The following PLAGL1 variants were observed in gnomAD, a reference collection of about 807,000 sequenced individuals.
PLAGL1 encodes the protein PLAG1 like zinc finger 1, also known as zinc finger protein PLAGL1.
Under a neutral mutation model 4.6 loss-of-function variants are expected in PLAGL1, and 1 was observed. The ratio of observed to expected loss-of-function variants is 0.22; its 90% CI spans 0.08 to 1.03. PLAGL1 has a LOEUF of 1.03. Ranked by LOEUF, PLAGL1 falls within the 50% of genes least tolerant of loss-of-function variation. PLAGL1 has a pLI of 0.58. For missense variants in PLAGL1, 464 were observed against 570.4 expected, an observed-to-expected ratio of 0.81 and a Z score of 1.90; for synonymous variants, 240 against 237.8, an observed-to-expected ratio of 1.01 and a Z score of -0.08.
At chr6:144,042,805 A>G (rs1196173274) in intron 1 of PLAGL1, among the ~76,000 whole-genome samples, 4 of 152,214 alleles carry the variant, frequency 2.6e-5, no homozygotes, top group African/African-American at 9.6e-5. Flanking sequence ...CCTACCCATG[A>G]GCATGGAATG....
Position 143,970,394 on chromosome 6 carries a change from G to T in PLAGL1, c.-543-1416C>A, listed in dbSNP as rs972050070. Among the ~76,000 whole-genome samples the T allele has an allele frequency of 1.3e-5, 2 of 152,164 alleles. No homozygotes were observed. Among genetic ancestry groups the T allele is most frequent in the African/African-American group, 2.4e-5 (1 of 41,440 alleles). ...TTAACAACCTCATTAACATACAAATGATTAACTACAAATGATTAGGTATCT... is the reference window on the plus strand; with the variant it reads ...TTAACAACCTCATTAACATACAAATTATTAACTACAAATGATTAGGTATCT... On this transcript the variant is annotated intron_variant, in intron 2 of 7. Transcript: ENST00000674357. This position sits in a 1 kb window ranked among gnomAD's most constrained non-coding sequence, Gnocchi z 5.8.
At chr6:144,007,374 G>A (rs1794467793) in intron 1 of PLAGL1, 1 of 152,226 alleles carries the variant, frequency 6.6e-6, no homozygotes, top group East Asian at 1.9e-4. Flanking sequence ...TGCCTGGGAG[G>A]GAGGGGTTAG....
rs1780492027 is a variant in PLAGL1, at chr6:143,949,242, GCCT to G, written c.-324-785_-324-783del. Among the ~76,000 whole-genome samples the G allele has an allele frequency of 6.6e-6, 1 of 152,150 alleles. No individual in the cohort carries two copies. Among genetic ancestry groups the G allele is most frequent in the African/African-American group, 2.4e-5 (1 of 41,422 alleles). On this transcript the variant is annotated intron_variant, in intron 6 of 7. Coordinates refer to ENST00000674357, the MANE Select transcript of PLAGL1 (RefSeq NM_001317162.2). This position sits in a 1 kb window ranked among gnomAD's most constrained non-coding sequence, Gnocchi z 5.3. ...GCCACCTCCAGGAGATGGGCCTACT[GCCT>G]CCTCAAACCCAACTTGTCTCAAACC...
intron 1 of PLAGL1, among the ~76,000 whole-genome samples, chr6:144,046,831 T>G (rs1259045552): frequency 6.6e-6 from 1 of 152,150 alleles, no homozygotes; most frequent in African/African-American, 2.4e-5. Context: ...CAGGCCTCAT[T>G]GAGCTGCGGG....
At position 143,941,788 on chromosome 6, in the gene PLAGL1, T is replaced by C. The variant is rs1583005228; in HGVS notation, c.1028A>G (p.Gln343Arg). The C allele has an allele frequency of 1.9e-6, 3 of 1,614,258 alleles. No homozygotes were observed. The highest frequency in any genetic ancestry group is 2.5e-6 in the Non-Finnish European group (3 of 1,180,042). Residue 343 changes from glutamine to arginine, a missense_variant, in exon 8 of 8, where the codon CAA (glutamine) becomes CGA (arginine). Coordinates refer to ENST00000674357, the MANE Select transcript of PLAGL1 (RefSeq NM_001317162.2). The surrounding 1 kb of genome is among the most constrained non-coding windows in gnomAD (Gnocchi z 6.0). Reference sequence around the variant, plus strand: ...CAGATCAAAACCTGGGTTGAGCTTTTGAGGTGACTGAGGCTCTTGCAGAGG... The same window carrying C: ...CAGATCAAAACCTGGGTTGAGCTTTCGAGGTGACTGAGGCTCTTGCAGAGG... ...DLPLQEPQSP[Q>R]KLNPGFDLAK...
chr6:143,943,072 C>A (rs979361823), intron 7 of PLAGL1, among the ~76,000 whole-genome samples: 1 of 113,082 alleles, frequency 8.8e-6, no homozygotes, highest in Non-Finnish European at 1.8e-5. Flanking sequence ...TCACTATACC[C>A]ACGCTGGTCT....
rs1214063895 is a variant in PLAGL1, at chr6:143,970,102, G to A, written c.-543-1124C>T. Among the ~76,000 whole-genome samples, 2 of 152,190 alleles carry A rather than the reference G, an allele frequency of 1.3e-5. No homozygotes were observed. The highest frequency in any genetic ancestry group is 6.5e-5 in the Admixed American group (1 of 15,276). Reference sequence around the variant, plus strand: ...GCAATCCAATTGGATGAATACTTGAGCACCAACCCTAAGTAACCTCCTTCT... The same window carrying A: ...GCAATCCAATTGGATGAATACTTGAACACCAACCCTAAGTAACCTCCTTCT... On this transcript the variant is annotated intron_variant, in intron 2 of 7. Transcript: ENST00000674357. This position sits in a 1 kb window ranked among gnomAD's most constrained non-coding sequence, Gnocchi z 5.8.
In PLAGL1 at chr6:143,978,654, A is replaced by G. The variant is rs1313428653; in HGVS notation, c.-544+6481T>C. Among the ~76,000 whole-genome samples the G allele has an allele frequency of 6.6e-6, 1 of 152,154 alleles. No homozygotes were observed. The highest frequency in any genetic ancestry group is 1.5e-5 in the Non-Finnish European group (1 of 68,012). ...TTTTTCCAGATTCCTTTCTAATTTA[A>G]TTCCATTATGGTCAGTGAACACTCT... is the stretch of plus-strand genomic sequence containing the variant. On this transcript the variant is annotated intron_variant, in intron 2 of 7. Coordinates refer to ENST00000674357, the MANE Select transcript of PLAGL1 (RefSeq NM_001317162.2). This position sits in a 1 kb window ranked among gnomAD's most constrained non-coding sequence, Gnocchi z 4.6.
Position 143,972,362 on chromosome 6 carries a change from A to C in PLAGL1, c.-543-3384T>G, listed in dbSNP as rs1234657767. 6.6e-6 allele frequency among the ~76,000 whole-genome samples: 1 copy of C among 152,272 alleles called. No individual in the cohort carries two copies. Among genetic ancestry groups the C allele is most frequent in the African/African-American group, 2.4e-5 (1 of 41,480 alleles). On this transcript the variant is annotated intron_variant, in intron 2 of 7. Coordinates refer to ENST00000674357, the MANE Select transcript of PLAGL1 (RefSeq NM_001317162.2). The surrounding 1 kb of genome is among the most constrained non-coding windows in gnomAD (Gnocchi z 6.8). ...GGGCTGGGGGCCAAAGGAAGAAGCC[A>C]TAAATTCTTCCTGGGAAATCAAGCA... is the stretch of plus-strand genomic sequence containing the variant.
At chr6:144,021,067 CTCTT>C (rs1322447440) in intron 1 of PLAGL1, among the ~76,000 whole-genome samples, 1 of 151,822 alleles carries the variant, frequency 6.6e-6, no homozygotes, top group Non-Finnish European at 1.5e-5. Flanking sequence ...AGTTAAAACT[CTCTT>C]TATGATTCCA....
rs1297539031 is a variant in PLAGL1, at chr6:143,959,710, TA to T, written c.-325+758del. Among the ~76,000 whole-genome samples the T allele has an allele frequency of 2.6e-5, 4 of 152,148 alleles. No homozygotes were observed. In the East Asian group the frequency reaches 7.7e-4, roughly 29 times the overall value. ...TGAGGAAACTGAGGCTCAGAGGATT[TA>T]AGTTTACTGCCCATCAGCATGGACT... is the stretch of plus-strand genomic sequence containing the variant. On this transcript the variant is annotated intron_variant, in intron 6 of 7. Transcript: ENST00000674357. This position sits in a 1 kb window ranked among gnomAD's most constrained non-coding sequence, Gnocchi z 5.3.
At chr6:144,041,898 A>T (rs1333273340) in intron 1 of PLAGL1, among the ~76,000 whole-genome samples, 1 of 152,164 alleles carries the variant, frequency 6.6e-6, no homozygotes, top group Non-Finnish European at 1.5e-5. Context: ...ATGGTATCTC[A>T]TTGTGGTTTT....
chr6:143,985,303 T>C lies in PLAGL1; in HGVS notation c.-583-129A>G, dbSNP rs1221707720. The C allele has an allele frequency of 6.6e-6, 1 of 152,216 alleles. No individual in the cohort carries two copies. Among genetic ancestry groups the C allele is most frequent in the African/African-American group, 2.4e-5 (1 of 41,458 alleles). 9.4% of individuals were successfully genotyped at this position (152,216 alleles called of 1,614,324 possible). ...GGCTTTACTCAGTCTCCCACAATAG[T>C]AACATTTCACAAAACAACAGTACAA... On this transcript the variant is annotated intron_variant, in intron 1 of 7. Coordinates refer to ENST00000674357, the MANE Select transcript of PLAGL1 (RefSeq NM_001317162.2). The surrounding 1 kb of genome is among the most constrained non-coding windows in gnomAD (Gnocchi z 4.4).
Position 143,987,437 on chromosome 6 carries a change from CTTTTT to C in PLAGL1, c.-583-2268_-583-2264del, listed in dbSNP as rs71024883. 8.1e-5 allele frequency among the ~76,000 whole-genome samples: 6 copies of C among 73,956 alleles called. No individual in the cohort carries two copies. The East Asian group carries it at 1.4e-3, about 17-fold the overall frequency. The allele number at this position is 73,956 out of a possible 152,430, so 48.5% of individuals were successfully genotyped here. A position where few individuals can be genotyped will look rare whatever the true frequency, so the allele number is the denominator to read the frequency against. On this transcript the variant is annotated intron_variant, in intron 1 of 7. Coordinates refer to ENST00000674357, the MANE Select transcript of PLAGL1 (RefSeq NM_001317162.2). ...GATCTGGCATGTGCCACCACACTGGCTTTTTTTTTTTTTTTTTTTTTTTGGTAGAG... is the reference window on the plus strand; with the variant it reads ...GATCTGGCATGTGCCACCACACTGGCTTTTTTTTTTTTTTTTTTGGTAGAG...
Position 144,061,572 on chromosome 6 carries a change from T to G in PLAGL1, c.-151+2896A>C, listed in dbSNP as rs1019976727. ...TCAAGGTCACCAGCCAGTAAGTTAT[T>G]CAAACTTGTTTAGCCCATGTTTAAC... is the stretch of plus-strand genomic sequence containing the variant. On this transcript the variant is annotated intron_variant, in intron 1 of 3. Transcript: ENST00000437412. This position sits in a 1 kb window ranked among gnomAD's most constrained non-coding sequence, Gnocchi z 4.4. 6.6e-6 allele frequency among the ~76,000 whole-genome samples: 1 copy of G among 152,256 alleles called. No individual in the cohort carries two copies. The highest frequency in any genetic ancestry group is 2.4e-5 in the African/African-American group (1 of 41,472).
rs1780121053 is a variant in PLAGL1, at chr6:143,947,889, C to A, written c.152+96G>T. On this transcript the variant is annotated intron_variant, in intron 7 of 7. Transcript: ENST00000674357. The surrounding 1 kb of genome is among the most constrained non-coding windows in gnomAD (Gnocchi z 4.3). ...CTCAAAGGCTAAAATGCATCCATAT[C>A]CTGTGTCCCTTTCCCCTTGCATCGT... 1.0e-6 allele frequency: 1 copy of A among 976,144 alleles called. No individual in the cohort carries two copies. Among genetic ancestry groups the A allele is most frequent in the South Asian group, 1.6e-5 (1 of 63,908 alleles). 60.5% of individuals were successfully genotyped at this position (976,144 alleles called of 1,614,324 possible). A position where few individuals can be genotyped will look rare whatever the true frequency, so the allele number is the denominator to read the frequency against.
In PLAGL1 at chr6:144,016,071, T is replaced by C. The variant is rs1343972794; in HGVS notation, c.-150-47093A>G. Among the ~76,000 whole-genome samples the C allele has an allele frequency of 6.6e-6, 1 of 152,146 alleles. No individual in the cohort carries two copies. Among genetic ancestry groups the C allele is most frequent in the African/African-American group, 2.4e-5 (1 of 41,408 alleles). On this transcript the variant is annotated intron_variant, in intron 1 of 3. Transcript: ENST00000437412. This position sits in a 1 kb window ranked among gnomAD's most constrained non-coding sequence, Gnocchi z 4.2. The stretch of plus-strand genomic sequence containing the variant: ...GAAATCATATTGTATTAGTCAGGGT[T>C]CTCTAGAGGGACAGAACTAATAAGA...
At chr6:143,992,734 T>C (rs759632043) in intron 1 of PLAGL1, among the ~76,000 whole-genome samples, 1 of 152,186 alleles carries the variant, frequency 6.6e-6, no homozygotes, top group Non-Finnish European at 1.5e-5. Context: ...TCATAGCACC[T>C]TGGGAGGCCA....
In PLAGL1 at chr6:143,961,352, T is replaced by C. The variant is rs750663851; in HGVS notation, c.-398-810A>G. 8.5e-5 allele frequency: 13 copies of C among 152,222 alleles called. No homozygotes were observed. Among genetic ancestry groups the C allele is most frequent in the African/African-American group, 1.2e-4 (5 of 41,460 alleles). The allele number at this position is 152,222 out of a possible 1,614,324, so 9.4% of individuals were successfully genotyped here. A position where few individuals can be genotyped will look rare whatever the true frequency, so the allele number is the denominator to read the frequency against. ...AGCTTTTCAGGATTTTCTTAACTAGTACAAAGGCAAATCTGCTATGGAACA... is the reference window on the plus strand; with the variant it reads ...AGCTTTTCAGGATTTTCTTAACTAGCACAAAGGCAAATCTGCTATGGAACA... On this transcript the variant is annotated intron_variant, in intron 5 of 7. Coordinates refer to ENST00000674357, the MANE Select transcript of PLAGL1 (RefSeq NM_001317162.2). The surrounding 1 kb of genome is among the most constrained non-coding windows in gnomAD (Gnocchi z 6.5).
Sources: allele counts gnomAD v4.1 joint callset (sites outside exome capture counted in the v4.1 genomes callset), GRCh38; gene constraint gnomAD v4.1.1; non-coding constraint Gnocchi (gnomAD v3.1); transcripts MANE v1.5; gene names NCBI Gene and HGNC (gene_info 2026-07-23, HGNC 2026-07-21).